Variants in CYP2U1 observed in about 807,000 individuals in gnomAD.
CYP2U1 encodes cytochrome P450 2U1.
CYP2U1 carries 28 observed loss-of-function variants against 42.8 expected under a neutral mutation model. The ratio of observed to expected loss-of-function variants is 0.65; its 90% CI spans 0.48 to 0.90. CYP2U1 has a LOEUF of 0.90. Among genes scored for constraint, CYP2U1 ranks in the 40% least tolerant of loss-of-function variants. CYP2U1 has a pLI of 0.00. For synonymous variants in CYP2U1, 296 were observed against 278.9 expected (o/e 1.06, Z -0.61); for missense variants, 642 against 693.8 (o/e 0.93, Z 0.84).
chr4:107,950,491 A>G lies in CYP2U1; in HGVS notation c.*68A>G. The G allele has an allele frequency of 2.1e-6, 3 of 1,454,594 alleles. No individual in the cohort carries two copies. Among genetic ancestry groups the G allele is most frequent in the South Asian group, 1.4e-5 (1 of 69,422 alleles). 90.1% of individuals were successfully genotyped at this position (1,454,594 alleles called of 1,614,324 possible). On this transcript the variant is annotated 3_prime_UTR_variant, in exon 5 of 5. Transcript: ENST00000332884. ...ATATCCTTCTAAGCAGATTCTTCCT[A>G]CTGCAAAGGACAGTGAATCCAGCAA...
rs1560703072 is a variant in CYP2U1 at position 107,948,279 on chromosome 4, A to AG, written c.1288+742_1288+743insG. On this transcript the variant is annotated intron_variant, in intron 3 of 4. Transcript: ENST00000332884. ...TCTGTCTCAAAAAAAAAAAAAAAAA[A>AG]AGGGCTGGGTGCGGTGGCTCACACC... Among the ~76,000 whole-genome samples the AG allele has an allele frequency of 2.1e-5, 3 of 142,628 alleles. 1 individual carries two copies. The highest frequency in any genetic ancestry group is 3.0e-5 in the Non-Finnish European group (2 of 66,028). The allele number at this position is 142,628 out of a possible 152,430, so 93.6% of individuals were successfully genotyped here. A position where few individuals can be genotyped will look rare whatever the true frequency, so the allele number is the denominator to read the frequency against.
At chr4:107,938,214 C>G (rs1193108444) in intron 1 of CYP2U1, 1 of 152,194 alleles carries the variant, frequency 6.6e-6, no homozygotes, top group Non-Finnish European at 1.5e-5. Context: ...GTAGACTGAT[C>G]AGAATTTCTA....
intron 4 of CYP2U1, among the ~76,000 whole-genome samples, chr4:107,949,794 T>G (rs1166949453): frequency 6.6e-6 from 1 of 152,172 alleles, no homozygotes; most frequent in Admixed American, 6.6e-5. Context: ...ATTTCTGATC[T>G]GGTCTGGTGG....
chr4:107,945,326 C>G lies in CYP2U1; in HGVS notation c.847C>G (p.Pro283Ala), dbSNP rs1041397010. 1 of 1,613,848 alleles carries G rather than the reference C, an allele frequency of 6.2e-7. No individual in the cohort carries two copies. The highest frequency in any genetic ancestry group is 1.3e-5 in the African/African-American group (1 of 74,822). Residue 283 changes from proline to alanine, a missense_variant, in exon 2 of 5, where the codon CCA becomes GCA. Transcript: ENST00000332884. Reference sequence around the variant, plus strand: ...TTGGCTTTATTACCTTCCCTTTGGACCATTTAAGGAATTAAGACAAATTGA... The same window carrying G: ...TTGGCTTTATTACCTTCCCTTTGGAGCATTTAAGGAATTAAGACAAATTGA... The part of the protein sequence containing the change: ...CPWLYYLPFG[P>A]FKELRQIEKD...
intron 1 of CYP2U1, chr4:107,937,434 C>G (rs1733311750): frequency 6.6e-6 from 1 of 152,056 alleles, no homozygotes. Flanking sequence ...ACAACATCCT[C>G]TGTTCAGTAG....
intron 1 of CYP2U1, among the ~76,000 whole-genome samples, chr4:107,943,672 A>T (rs1733577422): frequency 6.6e-6 from 1 of 152,252 alleles, no homozygotes; most frequent in Non-Finnish European, 1.5e-5. Flanking sequence ...GACTGCATGG[A>T]TGTTTACATT....
intron 1 of CYP2U1, 131 bp from the exon 2 acceptor site, chr4:107,944,839 C>CATATATATATATATATATAT (rs374845038): frequency 0.01 from 664 of 64,058 alleles, 108 homozygotes; most frequent in African/African-American, 0.027. Context: ...TTTATATATA[C>CATATATATATATATATATAT]ATATATATAT....
intron 1 of CYP2U1, chr4:107,941,334 A>T (rs1352022881): frequency 2.0e-5 from 3 of 152,198 alleles, no homozygotes; most frequent in Admixed American, 1.3e-4. Flanking sequence ...ATCCACCATT[A>T]TAGCAAAATA....
chr4:107,932,474 C>G (rs1336245379), intron 1 of CYP2U1, among the ~76,000 whole-genome samples: 2 of 152,198 alleles, frequency 1.3e-5, no homozygotes, highest in African/African-American at 4.8e-5. Flanking sequence ...CCAGCTGTGA[C>G]CTCGGAGAGA....
chr4:107,934,753 G>T lies in CYP2U1; in HGVS notation c.490+2620G>T, dbSNP rs114340344. On this transcript the variant is annotated intron_variant, in intron 1 of 4. Transcript: ENST00000332884. The stretch of plus-strand genomic sequence containing the variant: ...TCTGCCATGCCTGGGCCTGCCTCAA[G>T]GTACGATGTTTGTCTTCTTTGGGCC... 1.6e-3 allele frequency among the ~76,000 whole-genome samples: 240 copies of T among 152,314 alleles called. 1 individual carries two copies. The highest frequency in any genetic ancestry group is 5.5e-3 in the African/African-American group (228 of 41,562).
At chr4:107,944,392 T>C (rs995331387) in intron 1 of CYP2U1, among the ~76,000 whole-genome samples, 3 of 152,014 alleles carry the variant, frequency 2.0e-5, no homozygotes, top group African/African-American at 7.2e-5. Context: ...AGCATCCAAC[T>C]CCTGGGCTCA....
At chr4:107,943,997 T>A (rs547001794) in intron 1 of CYP2U1, among the ~76,000 whole-genome samples, 1 of 152,318 alleles carries the variant, frequency 6.6e-6, no homozygotes, top group Admixed American at 6.5e-5. Context: ...CTTAACAAGT[T>A]CATATGTTTT....
At chr4:107,943,116 A>G (rs1733556406) in intron 1 of CYP2U1, among the ~76,000 whole-genome samples, 4 of 152,236 alleles carry the variant, frequency 2.6e-5, no homozygotes. Context: ...CCCACTGGTA[A>G]CAATCAGAGA....
At chr4:107,939,196 G>A (rs1458330941) in intron 1 of CYP2U1, 1 of 152,150 alleles carries the variant, frequency 6.6e-6, no homozygotes, top group Non-Finnish European at 1.5e-5. Context: ...GAGGGTAGGT[G>A]GGATTGGTAT....
chr4:107,934,574 C>T (rs1037696697), intron 1 of CYP2U1, among the ~76,000 whole-genome samples: 9 of 152,200 alleles, frequency 5.9e-5, no homozygotes, highest in Admixed American at 3.9e-4. Flanking sequence ...TGAATCAAAT[C>T]TTGTAGCTCT....
rs1560702562 is a variant in CYP2U1 at position 107,947,495 on chromosome 4, G to A, written c.1246G>A (p.Val416Met). ...CATGGAAGTGCAGAGGCTAACTGTG[G>A]TGGTGCCGCTTGCCATTCCTCATAT... ...TIMEVQRLTV[V>M]VPLAIPHMTS... The change falls in exon 3 of 5, where the codon GTG becomes ATG. Residue 416 changes from valine to methionine, a missense_variant. Coordinates refer to ENST00000332884, the MANE Select transcript of CYP2U1 (RefSeq NM_183075.3). 1.2e-6 allele frequency: 2 copies of A among 1,614,150 alleles called. No individual in the cohort carries two copies. Among genetic ancestry groups the A allele is most frequent in the Non-Finnish European group, 1.7e-6 (2 of 1,180,012 alleles).
intron 1 of CYP2U1, 168 bp downstream of exon 1, chr4:107,932,301 A>G: frequency 3.8e-6 from 3 of 785,320 alleles, no homozygotes; most frequent in Non-Finnish European, 3.1e-6. Context: ...CTCCTTTCTG[A>G]TGCCTTTAAG....
chr4:107,934,609 A>T (rs1199652516), intron 1 of CYP2U1, among the ~76,000 whole-genome samples: 1 of 152,026 alleles, frequency 6.6e-6, no homozygotes, highest in Non-Finnish European at 1.5e-5. Flanking sequence ...TTGCCTCTGC[A>T]CTCCTTACTT....
At chr4:107,941,392 T>C (rs1733487590) in intron 1 of CYP2U1, 1 of 152,128 alleles carries the variant, frequency 6.6e-6, no homozygotes, top group African/African-American at 2.4e-5. Context: ...AAAAATTTGT[T>C]AAGGGTACAG....
Sources: allele counts gnomAD v4.1 joint callset (sites outside exome capture counted in the v4.1 genomes callset), GRCh38; gene constraint gnomAD v4.1.1; transcripts MANE v1.5; gene names NCBI Gene and HGNC (gene_info 2026-07-23, HGNC 2026-07-21).